MIB2: variants seen among roughly 807,000 people sequenced by gnomAD.
MIB2 encodes MIB E3 ubiquitin protein ligase 2, also known as E3 ubiquitin-protein ligase MIB2.
In MIB2, 78 loss-of-function variants were observed where a neutral mutation model predicts 96.6. That is an observed-to-expected ratio of 0.81 (90% CI 0.67 to 0.97). MIB2 has a LOEUF of 0.97. MIB2 is among the 50% of genes least tolerant of loss of function. The pLI is 0.00. For synonymous variants in MIB2, 820 were observed against 629.5 expected (o/e 1.30, Z -4.53); for missense variants, 1,543 against 1,424.0 (o/e 1.08, Z -1.35).
chr1:1,620,588 G>T (rs1016779243), intron 2 of MIB2, among the ~76,000 whole-genome samples: 1 of 152,204 alleles, frequency 6.6e-6, no homozygotes, highest in Non-Finnish European at 1.5e-5. Context: ...AAGGAGCAGT[G>T]CCCCTCTCAC....
intron 2 of MIB2, among the ~76,000 whole-genome samples, chr1:1,621,230 G>GCCGCTCCC (rs1644233296): frequency 1.3e-5 from 2 of 152,234 alleles, no homozygotes; most frequent in African/African-American, 4.8e-5. Context: ...GGGAGGGCCT[G>GCCGCTCCC]TGGGTCACCC....
rs766410654 is a variant in MIB2 at position 1,627,666 on chromosome 1, C to T, written c.1524-7C>T. The stretch of plus-strand genomic sequence containing the variant: ...CGCCCTCCCTCTCCCACTTCCTCTC[C>T]TGTCAGGAACCAGCCCGAGGCCACC... On this transcript the variant is annotated splice_polypyrimidine_tract_variant and splice_region_variant and intron_variant, in intron 12 of 19. Coordinates refer to ENST00000355826, the MANE Select transcript of MIB2 (RefSeq NM_001170687.4). 5.0e-6 allele frequency: 8 copies of T among 1,589,434 alleles called. No homozygotes were observed. The South Asian group carries it at 8.9e-5, about 18-fold the overall frequency.
At chr1:1,623,059 TCTTA>T (rs761645909) in intron 2 of MIB2, 2 of 382,722 alleles carry the variant, frequency 5.2e-6, no homozygotes, top group South Asian at 5.0e-5. Context: ...GGACGGCAGC[TCTTA>T]CTTTAGTGAA....
chr1:1,629,433 C>T lies in MIB2; in HGVS notation c.2430C>T (p.Leu810=), dbSNP rs554031169. The T allele has an allele frequency of 2.6e-5, 39 of 1,506,948 alleles. No individual in the cohort carries two copies. The highest frequency in any genetic ancestry group is 1.1e-4 in the Admixed American group (5 of 47,542). The allele number at this position is 1,506,948 out of a possible 1,614,324, so 93.3% of individuals were successfully genotyped here. The change falls in exon 18 of 20, where the codon CTC becomes CTT. Residue 810 remains leucine (L), a synonymous_variant. Transcript: ENST00000355826. Reference sequence around the variant, plus strand: ...CGGCCCCGGGCCCCAGGCAAACGCTCGGGACCCCCAACACCGTGACGAACC... The same window carrying T: ...CGGCCCCGGGCCCCAGGCAAACGCTTGGGACCCCCAACACCGTGACGAACC... ...GGAAPGPRQT[L]GTPNTVTNLH...
At position 1,627,481 on chromosome 1, in the gene MIB2, C is replaced by T. The variant is rs770485825; in HGVS notation, c.1523+37C>T. On this transcript the variant is annotated intron_variant, in intron 12 of 19. Transcript: ENST00000355826. ...GAGGGGCCCGGCCGGCGGGGCTGAGCCTGTGCGTCCTGGGGTGAGGCCTGG... is the reference window on the plus strand; with the variant it reads ...GAGGGGCCCGGCCGGCGGGGCTGAGTCTGTGCGTCCTGGGGTGAGGCCTGG... The T allele has an allele frequency of 4.5e-6, 7 of 1,565,732 alleles. No individual in the cohort carries two copies. In the Admixed American group the frequency reaches 1.2e-4, roughly 27 times the overall value.
Position 1,629,144 on chromosome 1 carries a change from G to A in MIB2, c.2214G>A (p.Ser738=), listed in dbSNP as rs1400459830. 7 of 1,494,624 alleles carry A rather than the reference G, an allele frequency of 4.7e-6. No individual in the cohort carries two copies. Among genetic ancestry groups the A allele is most frequent in the South Asian group, 2.5e-5 (2 of 79,528 alleles). 92.6% of individuals were successfully genotyped at this position (1,494,624 alleles called of 1,614,324 possible). Residue 738 remains serine, a synonymous_variant, in exon 17 of 20, where the codon TCG becomes TCA. Transcript: ENST00000355826. ...PLQLLSRLQA[S]GLPGSAELTV... ...GTCCTGCCGCCCAGCTACAGGCCTC[G>A]GGCCTCCCCGGCAGCGCGGAGCTGA...
chr1:1,620,705 C>G (rs577574650), intron 2 of MIB2, among the ~76,000 whole-genome samples: 1 of 152,268 alleles, frequency 6.6e-6, no homozygotes, highest in South Asian at 2.1e-4. Context: ...CAGCCCAGGC[C>G]ATGCCTCACC....
intron 19 of MIB2, 67 bp from the exon 20 acceptor site, chr1:1,630,225 C>T (rs1207819617): frequency 1.4e-5 from 6 of 429,356 alleles, no homozygotes; most frequent in Non-Finnish European, 2.2e-5. Context: ...CTCGCCCCCC[C>T]GCAGCTCCCT....
chr1:1,625,148 G>A lies in MIB2; in HGVS notation c.684G>A (p.Ala228=), dbSNP rs548568909. 24 of 1,612,610 alleles carry A rather than the reference G, an allele frequency of 1.5e-5. No homozygotes were observed. The highest frequency in any genetic ancestry group is 2.2e-5 in the East Asian group (1 of 44,860). Residue 228 remains alanine, a synonymous_variant, in exon 6 of 20, where the codon GCG becomes GCA. Transcript: ENST00000355826. This position sits in a 1 kb window ranked among gnomAD's most constrained non-coding sequence, Gnocchi z 5.0. ...ACCTCAAGTGTGTGGGCGAGGCAGC[G>A]GGCGGCTTCTACTACAAGGACCACC... ...KVDLKCVGEA[A]GGFYYKDHLP...
chr1:1,629,606 G>C, intron 18 of MIB2, 33 bp from the exon 19 acceptor site: 1 of 1,569,950 alleles, frequency 6.4e-7, no homozygotes, highest in Non-Finnish European at 8.6e-7. Context: ...CCGGCTAGTA[G>C]GGCCGCAGCC....
chr1:1,616,684 C>A, intron 2 of MIB2, 70 bp downstream of exon 2: 1 of 1,246,946 alleles, frequency 8.0e-7, no homozygotes, highest in Non-Finnish European at 1.1e-6. Flanking sequence ...CCGTGGAAGC[C>A]ACGTCAGAGA....
Position 1,623,231 on chromosome 1 carries a change from G to A in MIB2, c.-22-200G>A, listed in dbSNP as rs1416006186. ...CCCGCGCCAGGCTGGCACGGCGCCC[G>A]CCTTTCCCACCGGCCTCCCTGGTGC... On this transcript the variant is annotated intron_variant, in intron 2 of 19. Transcript: ENST00000355826. 2.2e-5 allele frequency: 20 copies of A among 902,932 alleles called. 1 individual carries two copies. The Middle Eastern group carries it at 1.8e-3, about 79-fold the overall frequency. The allele number at this position is 902,932 out of a possible 1,614,324, so 55.9% of individuals were successfully genotyped here.
In MIB2 at chr1:1,628,604, A is replaced by G. The variant is rs1401950386; in HGVS notation, c.2084A>G (p.Asn695Ser). The G allele has an allele frequency of 1.9e-6, 3 of 1,599,480 alleles. No individual in the cohort carries two copies. The highest frequency in any genetic ancestry group is 3.4e-5 in the Admixed American group (2 of 59,092). ...PLLVDAGCSV[N>S]AEDEEGDTAL... ...CTGGTGGACGCTGGGTGCAGTGTCA[A>G]CGCCGAGGACGAGGAGGGGGACACA... Residue 695 changes from asparagine (N) to serine (S), a missense_variant, in exon 16 of 20, where the codon AAC (asparagine) becomes AGC (serine). By Grantham distance (46) the Asn-to-Ser change is conservative. Coordinates refer to ENST00000355826, the MANE Select transcript of MIB2 (RefSeq NM_001170687.4).
rs1419672697 is a variant in MIB2 at position 1,627,764 on chromosome 1, G to A, written c.1615G>A (p.Val539Met). The A allele has an allele frequency of 8.8e-6, 14 of 1,597,140 alleles. No individual in the cohort carries two copies. The highest frequency in any genetic ancestry group is 2.2e-5 in the East Asian group (1 of 44,816). ...CCAGAGCACAGCACTGCACGTGGCCGTGCAGAGGGGCTTCCTGGAGGTGGT... is the reference window on the plus strand; with the variant it reads ...CCAGAGCACAGCACTGCACGTGGCCATGCAGAGGGGCTTCCTGGAGGTGGT... ...STQSTALHVA[V>M]QRGFLEVVRA... Residue 539 changes from valine (V) to methionine (M), a missense_variant, in exon 13 of 20, where the codon GTG (valine) becomes ATG (methionine). Physicochemically the swap from Val to Met is conservative, Grantham distance 21. Coordinates refer to ENST00000355826, the MANE Select transcript of MIB2 (RefSeq NM_001170687.4).
chr1:1,616,269 T>G, intron 1 of MIB2: 1 of 410,816 alleles, frequency 2.4e-6, no homozygotes, highest in Admixed American at 5.7e-5. Flanking sequence ...TCCCGGAGCC[T>G]CCTGACGTCT....
Position 1,625,390 on chromosome 1 carries a change from C to G in MIB2, c.826C>G (p.Gln276Glu). Residue 276 changes from glutamine (Q) to glutamate (E), a missense_variant, in exon 7 of 20, where the codon CAG becomes GAG. Coordinates refer to ENST00000355826, the MANE Select transcript of MIB2 (RefSeq NM_001170687.4). The surrounding 1 kb of genome is among the most constrained non-coding windows in gnomAD (Gnocchi z 5.0). ...LLDTDVLREM[Q>E]EGHGGWNPRM... ...GGACACTGATGTCCTGCGGGAGATG[C>G]AGGAAGGCCACGGCGGCTGGAACCC... is the stretch of plus-strand genomic sequence containing the variant. 6.3e-7 allele frequency: 1 copy of G among 1,584,518 alleles called. No individual in the cohort carries two copies. The highest frequency in any genetic ancestry group is 2.3e-5 in the East Asian group (1 of 43,034).
Position 1,628,534 on chromosome 1 carries a change from C to A in MIB2, c.2014C>A (p.Leu672Met), listed in dbSNP as rs546303072. Residue 672 changes from leucine (L) to methionine (M), a missense_variant, in exon 16 of 20, where the codon CTG (leucine) becomes ATG (methionine). By Grantham distance (15) the Leu-to-Met change is conservative. Coordinates refer to ENST00000355826, the MANE Select transcript of MIB2 (RefSeq NM_001170687.4). ...GCGCAACCGGAAGCTGCAGTCCCCG[C>A]TGCATCTCGCCGTGCAACAGGCCCA... ...NVRNRKLQSP[L>M]HLAVQQAHVG... 4 of 1,601,360 alleles carry A rather than the reference C, an allele frequency of 2.5e-6. No homozygotes were observed. The highest frequency in any genetic ancestry group is 3.4e-6 in the Non-Finnish European group (4 of 1,178,752).
chr1:1,628,802 C>T (rs1645070638), intron 16 of MIB2, 80 bp downstream of exon 16: 2 of 1,227,404 alleles, frequency 1.6e-6, no homozygotes, highest in African/African-American at 3.0e-5. Flanking sequence ...GTGCCACTGT[C>T]CACCTTCCCC....
rs12755088 is a variant in MIB2, at chr1:1,623,412, T to C, written c.-22-19T>C. 1,452,377 of 1,600,546 alleles carry C rather than the reference T, an allele frequency of 0.91. 663,690 individuals are homozygous for C. The highest frequency in any genetic ancestry group is 0.95 in the Middle Eastern group (4,336 of 4,554). On this transcript the variant is annotated intron_variant, in intron 2 of 19. Coordinates refer to ENST00000355826, the MANE Select transcript of MIB2 (RefSeq NM_001170687.4). ...AGGTCCCGAGCAGCCCGGCCCACCA[T>C]GGACCCCTCTGCCCACAGGTCCCGA...
Sources: allele counts gnomAD v4.1 joint callset (sites outside exome capture counted in the v4.1 genomes callset), GRCh38; gene constraint gnomAD v4.1.1; non-coding constraint Gnocchi (gnomAD v3.1); transcripts MANE v1.5; gene names NCBI Gene and HGNC (gene_info 2026-07-23, HGNC 2026-07-21).